The following GRID1 variants were observed in gnomAD, a reference collection of about 807,000 sequenced individuals.
GRID1 encodes glutamate ionotropic receptor delta type subunit 1, also known as glutamate receptor ionotropic, delta-1.
GRID1 carries 28 observed loss-of-function variants against 98.0 expected under a neutral mutation model. The ratio of observed to expected loss-of-function variants is 0.29; its 90% confidence interval spans 0.21 to 0.39. The LOEUF is 0.39. Ranked by LOEUF, GRID1 falls within the 10% of genes least tolerant of loss-of-function variation. GRID1 has a pLI of 1.00. For synonymous variants in GRID1, 553 were observed against 538.5 expected (o/e 1.03, Z -0.37); for missense variants, 1,111 against 1,340.5 (o/e 0.83, Z 2.67).
chr10:86,285,076 G>A (rs571370545), intron 2 of GRID1, among the ~76,000 whole-genome samples: 6 of 152,084 alleles, frequency 3.9e-5, no homozygotes, highest in African/African-American at 1.4e-4. Context: ...GGAGAGGAGC[G>A]AGCCCCCCAA....
intron 12 of GRID1, among the ~76,000 whole-genome samples, chr10:85,659,810 C>T (rs778371641): frequency 2.4e-4 from 37 of 152,106 alleles, no homozygotes; most frequent in Admixed American, 1.0e-3. Flanking sequence ...CATGGGCTAG[C>T]GCATTTCATC....
intron 2 of GRID1, among the ~76,000 whole-genome samples, chr10:86,269,583 T>C (rs1847154521): frequency 6.6e-6 from 1 of 152,250 alleles, no homozygotes; most frequent in Admixed American, 6.5e-5. Flanking sequence ...AGGAGTTCTC[T>C]TGGCCTCGGC....
intron 12 of GRID1, among the ~76,000 whole-genome samples, chr10:85,694,610 A>C (rs1841373515): frequency 7.4e-6 from 1 of 134,510 alleles, no homozygotes; most frequent in Non-Finnish European, 1.6e-5. Context: ...ATAATGGAAT[A>C]TTATTCAGCC....
chr10:86,336,579 C>T (rs540986706), intron 2 of GRID1, among the ~76,000 whole-genome samples: 277 of 152,204 alleles, frequency 1.8e-3, no homozygotes, highest in Non-Finnish European at 2.7e-3. Flanking sequence ...CTCCCCATAC[C>T]CCTGCCGTCC....
At chr10:86,230,404 G>A (rs1251311181) in intron 2 of GRID1, among the ~76,000 whole-genome samples, 1 of 152,152 alleles carries the variant, frequency 6.6e-6, no homozygotes, top group Non-Finnish European at 1.5e-5. Flanking sequence ...TGCCACATTT[G>A]GCTTCCCTCG....
At chr10:86,293,810 G>A (rs1228145926) in intron 2 of GRID1, among the ~76,000 whole-genome samples, 12 of 152,160 alleles carry the variant, frequency 7.9e-5, no homozygotes, top group African/African-American at 1.9e-4. Context: ...CACAAACGTC[G>A]TCAGCGCTGT....
intron 2 of GRID1, among the ~76,000 whole-genome samples, chr10:86,245,235 T>C (rs1846704440): frequency 1.3e-5 from 2 of 152,190 alleles, no homozygotes; most frequent in East Asian, 1.9e-4. Flanking sequence ...GAGGGGACAC[T>C]ACCCGCCTGC....
intron 5 of GRID1, among the ~76,000 whole-genome samples, chr10:85,908,167 G>C (rs1235434995): frequency 6.6e-6 from 1 of 152,104 alleles, no homozygotes; most frequent in Non-Finnish European, 1.5e-5. Context: ...TTGAACTGGA[G>C]GTACTAATCA....
chr10:86,028,336 T>G (rs1042234788), intron 4 of GRID1, among the ~76,000 whole-genome samples: 1 of 152,192 alleles, frequency 6.6e-6, no homozygotes, highest in African/African-American at 2.4e-5. Flanking sequence ...TTATGGAATT[T>G]TATATACTCA....
intron 3 of GRID1, among the ~76,000 whole-genome samples, chr10:86,179,382 T>G (rs1845622479): frequency 6.6e-6 from 1 of 152,140 alleles, no homozygotes; most frequent in South Asian, 2.1e-4. Context: ...TCTCTGAGGC[T>G]CTCCCCGATG....
At chr10:85,642,226 G>T (rs1294193452) in intron 13 of GRID1, among the ~76,000 whole-genome samples, 1 of 152,312 alleles carries the variant, frequency 6.6e-6, no homozygotes, top group South Asian at 2.1e-4. Context: ...TTGGGCTGTT[G>T]TCCAATAAAC....
chr10:85,853,315 T>G (rs1207449320), intron 8 of GRID1, among the ~76,000 whole-genome samples: 1 of 152,198 alleles, frequency 6.6e-6, no homozygotes, highest in Non-Finnish European at 1.5e-5. Context: ...AATGGTGACA[T>G]CAGGCTAGAG....
chr10:85,848,349 G>T (rs1319191602), intron 8 of GRID1, among the ~76,000 whole-genome samples: 1 of 152,060 alleles, frequency 6.6e-6, no homozygotes, highest in Admixed American at 6.5e-5. Flanking sequence ...AGATGTTTAT[G>T]ACAGCACTAT....
chr10:86,000,035 G>A (rs1272345756), intron 4 of GRID1, among the ~76,000 whole-genome samples: 4 of 152,188 alleles, frequency 2.6e-5, no homozygotes, highest in Admixed American at 2.6e-4. Flanking sequence ...AAGTAAAACT[G>A]TCCCTATTCA....
chr10:85,673,616 G>C (rs1010885743), intron 12 of GRID1, among the ~76,000 whole-genome samples: 5 of 152,120 alleles, frequency 3.3e-5, no homozygotes, highest in African/African-American at 7.2e-5. Context: ...GGCTCAGGTG[G>C]GGGTTAGTAC....
Position 86,272,886 on chromosome 10 carries a change from TTTTG to T in GRID1, c.236-66242_236-66239del, listed in dbSNP as rs532637209. 5.8e-3 allele frequency among the ~76,000 whole-genome samples: 877 copies of T among 152,186 alleles called. 8 individuals carry two copies. Among genetic ancestry groups the T allele is most frequent in the African/African-American group, 0.018 (760 of 41,532 alleles). On this transcript the variant is annotated intron_variant, in intron 2 of 15. Coordinates refer to ENST00000327946, the MANE Select transcript of GRID1 (RefSeq NM_017551.3). ...GCTTTCTCTAGGCACACTAATCTCTTTTTGTTTGTTTGTTTGTTTGTTTTTGTTT... is the reference window on the plus strand; with the variant it reads ...GCTTTCTCTAGGCACACTAATCTCTTTTTGTTTGTTTGTTTGTTTTTGTTT...
At chr10:85,843,810 A>AT (rs1842982037) in intron 8 of GRID1, among the ~76,000 whole-genome samples, 1 of 152,126 alleles carries the variant, frequency 6.6e-6, no homozygotes, top group South Asian at 2.1e-4. Context: ...ATGTAGAGGC[A>AT]TTTTCTTATG....
At position 85,907,025 on chromosome 10, in the gene GRID1, G is replaced by A. The variant is rs192013122; in HGVS notation, c.780+9161C>T. On this transcript the variant is annotated intron_variant, in intron 5 of 15. Transcript: ENST00000327946. Reference sequence around the variant, plus strand: ...GAGACAAGTAATGAATATTATATATGAGAAAAATCACATGTCTACAGATTC... The same window carrying A: ...GAGACAAGTAATGAATATTATATATAAGAAAAATCACATGTCTACAGATTC... 3.7e-3 allele frequency among the ~76,000 whole-genome samples: 569 copies of A among 152,280 alleles called. 3 individuals are homozygous for A. The highest frequency in any genetic ancestry group is 5.1e-3 in the Non-Finnish European group (348 of 68,022).
chr10:85,995,413 C>T (rs540852243), intron 4 of GRID1, among the ~76,000 whole-genome samples: 2 of 152,220 alleles, frequency 1.3e-5, no homozygotes, highest in African/African-American at 2.4e-5. Context: ...GGAAGAGTTT[C>T]GGACCCCCAC....
Sources: gnomAD v4.1 joint callset for allele counts (sites outside exome capture counted in the v4.1 genomes callset) on GRCh38, gnomAD v4.1.1 for gene constraint, MANE v1.5 for transcripts, NCBI Gene and HGNC (gene_info 2026-07-23, HGNC 2026-07-21) for gene names.